DNM3: variants seen among roughly 807,000 people sequenced by gnomAD.
DNM3 encodes dynamin-3.
A neutral mutation model predicts 101.6 loss-of-function variants in DNM3; 47 were observed. That is an observed-to-expected ratio of 0.46 (90% CI 0.37 to 0.59). The LOEUF is 0.59. DNM3 is among the 20% of genes least tolerant of loss of function. The probability of loss-of-function intolerance (pLI) is 0.00; values close to 1 mark genes in which losing one functional copy is unlikely to be tolerated. For synonymous variants in DNM3, 385 were observed against 387.9 expected (o/e 0.99, Z 0.09); for missense variants, 849 against 1,085.7 (o/e 0.78, Z 3.06).
chr1:172,157,661 C>T (rs1231776866), intron 14 of DNM3, among the ~76,000 whole-genome samples: 1 of 151,902 alleles, frequency 6.6e-6, no homozygotes. Context: ...TCATTATTCC[C>T]TAAACAATAT....
intron 15 of DNM3, among the ~76,000 whole-genome samples, chr1:172,267,082 A>C (rs2062889664): frequency 6.6e-6 from 1 of 152,222 alleles, no homozygotes; most frequent in Non-Finnish European, 1.5e-5. Flanking sequence ...TGTTAAGTGA[A>C]CATTTTAATA....
rs138540712 is a variant in DNM3, at chr1:172,354,112, T to TGTGAGAGAGAGAGAGAGAGAGAGA, written c.1894-24905_1894-24904insTGAGAGAGAGAGAGAGAGAGAGAG. Among the ~76,000 whole-genome samples the TGTGAGAGAGAGAGAGAGAGAGAGA allele has an allele frequency of 3.1e-3, 291 of 94,910 alleles. 8 individuals are homozygous for TGTGAGAGAGAGAGAGAGAGAGAGA. The highest frequency in any genetic ancestry group is 0.012 in the African/African-American group (261 of 22,558). The allele number at this position is 94,910 out of a possible 152,430, so 62.3% of individuals were successfully genotyped here. A position where few individuals can be genotyped will look rare whatever the true frequency, so the allele number is the denominator to read the frequency against. On this transcript the variant is annotated intron_variant, in intron 17 of 20. Coordinates refer to ENST00000627582, the MANE Select transcript of DNM3 (RefSeq NM_015569.5). ...GGGTGTGTGTGTGTGTGTGTGTGTG[T>TGTGAGAGAGAGAGAGAGAGAGAGA]GAGAGAGAGAGAGAGAGAGAGAGAG...
At chr1:172,057,629 C>A (rs1389585539) in intron 10 of DNM3, among the ~76,000 whole-genome samples, 4 of 151,926 alleles carry the variant, frequency 2.6e-5, no homozygotes, top group African/African-American at 9.7e-5. Flanking sequence ...AAATACTTTA[C>A]AGACAAGCAA....
At chr1:172,020,979 C>T (rs980804100) in intron 4 of DNM3, among the ~76,000 whole-genome samples, 17 of 152,180 alleles carry the variant, frequency 1.1e-4, no homozygotes, top group African/African-American at 3.1e-4. Context: ...GGTGTCTGCT[C>T]TGTTGAGTTG....
chr1:172,366,133 T>G (rs2068005055), intron 17 of DNM3, among the ~76,000 whole-genome samples: 1 of 151,798 alleles, frequency 6.6e-6, no homozygotes, highest in Non-Finnish European at 1.5e-5. Context: ...CTTGGGAAGT[T>G]GAGGTAGGAG....
chr1:172,258,020 G>T lies in DNM3; in HGVS notation c.1769+4338G>T, dbSNP rs114953336. Reference sequence around the variant, plus strand: ...AAACTTTTTAAACTCCTATTTATGAGCAAGTACATGCAATATTTGTCTTCC... The same window carrying T: ...AAACTTTTTAAACTCCTATTTATGATCAAGTACATGCAATATTTGTCTTCC... On this transcript the variant is annotated intron_variant, in intron 15 of 20. Transcript: ENST00000627582. Among the ~76,000 whole-genome samples, 712 of 152,086 alleles carry T rather than the reference G, an allele frequency of 4.7e-3. 3 individuals carry two copies. The highest frequency in any genetic ancestry group is 0.016 in the African/African-American group (673 of 41,508).
chr1:172,202,710 A>G (rs11805471), intron 14 of DNM3, among the ~76,000 whole-genome samples: 9,971 of 152,224 alleles, frequency 0.066, 385 homozygotes, highest in Middle Eastern at 0.12. Context: ...TGAGAACACC[A>G]CAGATATAAG....
chr1:172,359,185 A>G (rs1282830417), intron 17 of DNM3, among the ~76,000 whole-genome samples: 1 of 150,406 alleles, frequency 6.6e-6, no homozygotes, highest in Non-Finnish European at 1.5e-5. Flanking sequence ...CAAGTAGTGC[A>G]GTTTCCTTTC....
intron 19 of DNM3, 27 bp downstream of exon 19, chr1:172,387,386 G>A (rs1370359189): frequency 3.2e-5 from 50 of 1,576,104 alleles, no homozygotes; most frequent in Middle Eastern, 2.1e-4. Flanking sequence ...GGCCGGGTGC[G>A]GTGGCTCGCT....
At chr1:171,964,131 A>G (rs12125022) in intron 2 of DNM3, among the ~76,000 whole-genome samples, 22,798 of 152,126 alleles carry the variant, frequency 0.15, 2,264 homozygotes, top group South Asian at 0.26. Context: ...TCTTTGACAT[A>G]TTTTGAAATG....
chr1:172,099,761 C>G (rs1161291448), intron 13 of DNM3, among the ~76,000 whole-genome samples: 1 of 152,090 alleles, frequency 6.6e-6, no homozygotes, highest in Non-Finnish European at 1.5e-5. Context: ...GAGCATGCCA[C>G]CTGAAAGTCA....
intron 1 of DNM3, among the ~76,000 whole-genome samples, chr1:171,918,140 A>C (rs1311852598): frequency 6.6e-6 from 1 of 152,176 alleles, no homozygotes; most frequent in African/African-American, 2.4e-5. Context: ...GTATGTAGGC[A>C]CTTAGTTTTT....
intron 4 of DNM3, among the ~76,000 whole-genome samples, chr1:171,995,924 T>C (rs1279971228): frequency 6.6e-6 from 1 of 152,150 alleles, no homozygotes; most frequent in Non-Finnish European, 1.5e-5. Context: ...TTAAATCTTT[T>C]TGACAATAGA....
chr1:172,199,661 C>T (rs1278217031), intron 14 of DNM3, among the ~76,000 whole-genome samples: 1 of 151,928 alleles, frequency 6.6e-6, no homozygotes, highest in Non-Finnish European at 1.5e-5. Context: ...ATGTAATGCC[C>T]TTCTTGTCTT....
chr1:172,252,933 C>T (rs1205622127), intron 14 of DNM3, among the ~76,000 whole-genome samples: 1 of 152,076 alleles, frequency 6.6e-6, no homozygotes, highest in Non-Finnish European at 1.5e-5. Context: ...CCCCAAAGAG[C>T]TCAACAATTT....
chr1:172,264,677 T>C (rs1007803604), intron 15 of DNM3, among the ~76,000 whole-genome samples: 1 of 152,226 alleles, frequency 6.6e-6, no homozygotes, highest in African/African-American at 2.4e-5. Context: ...GCTAAGAGTT[T>C]CTGTTTGAAC....
chr1:172,235,634 G>A (rs906933630), intron 14 of DNM3, among the ~76,000 whole-genome samples: 1 of 152,146 alleles, frequency 6.6e-6, no homozygotes, highest in Non-Finnish European at 1.5e-5. Flanking sequence ...AGAAAATGTG[G>A]CACATATACA....
At chr1:172,091,502 A>T (rs987380598) in intron 12 of DNM3, among the ~76,000 whole-genome samples, 5 of 152,350 alleles carry the variant, frequency 3.3e-5, no homozygotes, top group Admixed American at 6.5e-5. Context: ...AACCATGCAG[A>T]TGAAAGCGGG....
intron 15 of DNM3, among the ~76,000 whole-genome samples, chr1:172,278,740 A>G (rs561609527): frequency 1.1e-4 from 17 of 152,154 alleles, no homozygotes; most frequent in Non-Finnish European, 2.2e-4. Flanking sequence ...GTCTCATTGT[A>G]CCATTTACTT....
Sources: allele counts gnomAD v4.1 joint callset (sites outside exome capture counted in the v4.1 genomes callset), GRCh38; gene constraint gnomAD v4.1.1; transcripts MANE v1.5; gene names NCBI Gene and HGNC (gene_info 2026-07-23, HGNC 2026-07-21).